Variants in ANO3 observed in about 807,000 individuals in gnomAD.
ANO3 encodes anoctamin-3.
A neutral mutation model predicts 144.8 loss-of-function variants in ANO3; 99 were observed. The ratio of observed to expected loss-of-function variants is 0.68; its 90% confidence interval spans 0.58 to 0.81. ANO3 has a LOEUF of 0.81. ANO3 is among the 30% of genes least tolerant of loss of function. ANO3 has a pLI of 0.00. For synonymous variants in ANO3, 414 were observed against 392.6 expected, an observed-to-expected ratio of 1.05 and a Z score of -0.64; for missense variants, 905 against 1,202.2, an observed-to-expected ratio of 0.75 and a Z score of 3.66.
chr11:26,604,344 G>C, intron 17 of ANO3, among the ~76,000 whole-genome samples: 1 of 152,242 alleles, frequency 6.6e-6, no homozygotes. Context: ...TTCAGGTAGT[G>C]TAATGCCTCC....
At chr11:26,499,518 T>G (rs1325512392) in intron 4 of ANO3, among the ~76,000 whole-genome samples, 2 of 93,818 alleles carry the variant, frequency 2.1e-5, no homozygotes, top group Non-Finnish European at 5.3e-5. Context: ...TTAAATTAAC[T>G]TATTTTTTTA....
intron 11 of ANO3, among the ~76,000 whole-genome samples, chr11:26,544,520 T>C (rs1004085470): frequency 4.0e-5 from 6 of 151,496 alleles, no homozygotes; most frequent in Admixed American, 1.3e-4. Flanking sequence ...AAGAGATCTA[T>C]TGTACCACAT....
rs555253107 is a variant in ANO3 at position 26,613,710 on chromosome 11, T to C, written c.1837-10752T>C. Among the ~76,000 whole-genome samples, 473 of 152,312 alleles carry C rather than the reference T, an allele frequency of 3.1e-3. 11 individuals are homozygous for C. Among genetic ancestry groups the C allele is most frequent in the Non-Finnish European group, 5.0e-4 (34 of 68,012 alleles). ...CTTTGGTTCTGAGTGGAGTCTCTAG[T>C]GTGATCTTCATGGTGTTTCTTTAGC... is the stretch of plus-strand genomic sequence containing the variant. On this transcript the variant is annotated intron_variant, in intron 17 of 26. Coordinates refer to ENST00000256737, the MANE Select transcript of ANO3 (RefSeq NM_031418.4).
chr11:26,315,792 T>C (rs1854613540), intron 1 of ANO3, among the ~76,000 whole-genome samples: 1 of 152,122 alleles, frequency 6.6e-6, no homozygotes, highest in Non-Finnish European at 1.5e-5. Context: ...AAATAAATAT[T>C]CTGTAGACCA....
At chr11:26,488,949 G>A (rs1362719979) in intron 4 of ANO3, among the ~76,000 whole-genome samples, 2 of 152,110 alleles carry the variant, frequency 1.3e-5, no homozygotes, top group Non-Finnish European at 2.9e-5. Context: ...TGATTGGTAT[G>A]TTTTTACAGA....
At chr11:26,559,370 C>T (rs573702053) in intron 13 of ANO3, 2 of 177,462 alleles carry the variant, frequency 1.1e-5, no homozygotes, top group Non-Finnish European at 2.4e-5. Flanking sequence ...GAATGCCTCA[C>T]CTGAAAAACT....
chr11:26,254,902 A>G (rs1470432585), intron 1 of ANO3, among the ~76,000 whole-genome samples: 1 of 152,156 alleles, frequency 6.6e-6, no homozygotes, highest in African/African-American at 2.4e-5. Flanking sequence ...CAAAACAACC[A>G]TTTGAGATTG....
intron 7 of ANO3, 75 bp downstream of exon 7, chr11:26,525,754 A>G (rs1849146826): frequency 8.1e-6 from 9 of 1,113,946 alleles, no homozygotes; most frequent in African/African-American, 1.6e-5. Flanking sequence ...TTGATTCCCC[A>G]TATCAGCAGT....
At chr11:26,615,414 A>ATATATATATAT (rs1352935016) in intron 17 of ANO3, among the ~76,000 whole-genome samples, 7 of 130,688 alleles carry the variant, frequency 5.4e-5, no homozygotes, top group Non-Finnish European at 8.0e-5. Context: ...ATATATATAT[A>ATATATATATAT]TTTTTTTTTT....
intron 13 of ANO3, among the ~76,000 whole-genome samples, chr11:26,556,345 T>TA (rs1008346092): frequency 3.3e-5 from 5 of 151,072 alleles, no homozygotes; most frequent in South Asian, 2.1e-4. Context: ...ATTTTCTCTT[T>TA]AAAAAAAAAC....
chr11:26,388,804 G>A (rs1245404960), intron 1 of ANO3, among the ~76,000 whole-genome samples: 3 of 152,056 alleles, frequency 2.0e-5, no homozygotes, highest in Admixed American at 1.3e-4. Flanking sequence ...GGGGAATTAA[G>A]CATGTATAAA....
intron 1 of ANO3, among the ~76,000 whole-genome samples, chr11:26,268,562 C>A (rs1470557348): frequency 6.6e-6 from 1 of 151,982 alleles, no homozygotes; most frequent in African/African-American, 2.4e-5. Context: ...AGGGGTAAGC[C>A]AAAGGTGTCA....
intron 21 of ANO3, among the ~76,000 whole-genome samples, chr11:26,640,226 T>C (rs1411317044): frequency 2.6e-5 from 4 of 152,220 alleles, no homozygotes; most frequent in Non-Finnish European, 4.4e-5. Context: ...TTGACATCTC[T>C]TAGGCTTTTT....
At chr11:26,190,638 TTCCATTA>T in intron 1 of ANO3, among the ~76,000 whole-genome samples, 1 of 152,200 alleles carries the variant, frequency 6.6e-6, no homozygotes, top group Non-Finnish European at 1.5e-5. Context: ...AGCACATCCA[TTCCATTA>T]GATTCAACTA....
chr11:26,203,938 G>A (rs1302497086), intron 1 of ANO3, among the ~76,000 whole-genome samples: 1 of 152,064 alleles, frequency 6.6e-6, no homozygotes, highest in Non-Finnish European at 1.5e-5. Flanking sequence ...TTCTTCACTT[G>A]CTTTTCCACT....
At chr11:26,489,838 T>A (rs959877182) in intron 4 of ANO3, among the ~76,000 whole-genome samples, 6 of 152,230 alleles carry the variant, frequency 3.9e-5, no homozygotes, top group African/African-American at 1.2e-4. Context: ...TACATGTACC[T>A]CTGTTGTATC....
intron 1 of ANO3, among the ~76,000 whole-genome samples, chr11:26,226,750 TCTAA>T (rs1458663973): frequency 6.6e-6 from 1 of 152,176 alleles, no homozygotes; most frequent in South Asian, 2.1e-4. Flanking sequence ...ATTCATTATT[TCTAA>T]CTTTTTGTTT....
intron 14 of ANO3, among the ~76,000 whole-genome samples, chr11:26,590,932 C>T (rs1427095201): frequency 6.6e-6 from 1 of 152,106 alleles, no homozygotes; most frequent in East Asian, 1.9e-4. Context: ...TGGGAGGGGA[C>T]CCAAAGGGGG....
chr11:26,354,397 A>C (rs1393494143), intron 1 of ANO3, among the ~76,000 whole-genome samples: 1 of 152,240 alleles, frequency 6.6e-6, no homozygotes, highest in Non-Finnish European at 1.5e-5. Context: ...TGATAGTTTC[A>C]CAGGTGCATT....
Sources: allele counts gnomAD v4.1 joint callset (sites outside exome capture counted in the v4.1 genomes callset), GRCh38; gene constraint gnomAD v4.1.1; transcripts MANE v1.5; gene names NCBI Gene and HGNC (gene_info 2026-07-23, HGNC 2026-07-21).